The following OGFOD3 variants were observed in gnomAD, a reference collection of about 807,000 sequenced individuals.
OGFOD3 encodes 2-oxoglutarate and iron-dependent oxygenase domain-containing protein 3.
A neutral mutation model predicts 39.8 loss-of-function variants in OGFOD3; 35 were observed. The observed-to-expected ratio is 0.88, with a 90% confidence interval of 0.67 to 1.17. OGFOD3 has a LOEUF of 1.17. OGFOD3 is among the 50% of genes most tolerant of loss of function. OGFOD3 has a pLI of 0.00. For missense variants in OGFOD3, 438 were observed against 454.5 expected, an observed-to-expected ratio of 0.96 and a Z score of 0.33; for synonymous variants, 200 against 192.0, an observed-to-expected ratio of 1.04 and a Z score of -0.34.
intron 6 of OGFOD3, 114 bp downstream of exon 6, chr17:82,405,210 G>A: frequency 3.5e-6 from 3 of 868,306 alleles, no homozygotes; most frequent in Non-Finnish European, 5.6e-6. Flanking sequence ...CTGCAGGCCT[G>A]GCCCTGGCCC....
chr17:82,406,408 C>T lies in OGFOD3; in HGVS notation c.488+10G>A, dbSNP rs749000321. The T allele has an allele frequency of 2.5e-6, 4 of 1,613,538 alleles. No individual in the cohort carries two copies. On this transcript the variant is annotated intron_variant, in intron 5 of 8. Transcript: ENST00000313056. This position sits in a 1 kb window ranked among gnomAD's most constrained non-coding sequence, Gnocchi z 5.2. ...CAGAGCCAGCACTGAGGTCATGCTG[C>T]AGCACTCACCTGTACAGGTTCACAA...
intron 2 of OGFOD3, among the ~76,000 whole-genome samples, chr17:82,412,435 GTTA>G: frequency 8.0e-6 from 1 of 125,718 alleles, no homozygotes; most frequent in Non-Finnish European, 1.7e-5. Flanking sequence ...CAGGGGCATG[GTTA>G]TCGGGGCAGG....
rs147267597 is a variant in OGFOD3 at position 82,416,531 on chromosome 17, C to A, written c.75-904G>T. Among the ~76,000 whole-genome samples the A allele has an allele frequency of 2.2e-4, 33 of 152,244 alleles. No homozygotes were observed. The East Asian group carries it at 5.8e-3, about 27-fold the overall frequency. On this transcript the variant is annotated intron_variant, in intron 1 of 8. Coordinates refer to ENST00000313056, the MANE Select transcript of OGFOD3 (RefSeq NM_024648.3). Reference sequence around the variant, plus strand: ...CTCCCCTCCTGTAAAATAAGCTTCTCGTCTGTTCCAAGGAGCAGGTATTGG... The same window carrying A: ...CTCCCCTCCTGTAAAATAAGCTTCTAGTCTGTTCCAAGGAGCAGGTATTGG...
At chr17:82,408,857 A>G (rs1017136068) in intron 4 of OGFOD3, among the ~76,000 whole-genome samples, 10 of 152,272 alleles carry the variant, frequency 6.6e-5, no homozygotes, top group African/African-American at 1.9e-4. Context: ...AGGTGAACAC[A>G]TTATCCGAGG....
Position 82,390,646 on chromosome 17 carries a change from G to A in OGFOD3, c.*1752C>T, listed in dbSNP as rs568063360. The A allele has an allele frequency of 1.2e-4, 21 of 177,282 alleles. No homozygotes were observed. Among genetic ancestry groups the A allele is most frequent in the Admixed American group, 3.8e-4 (6 of 15,782 alleles). The allele number at this position is 177,282 out of a possible 1,614,324, so 11.0% of individuals were successfully genotyped here. ...TGTGGACCCAGGGAGCCTATCCCACGCCGTCCTCCGCATGTGGCCCGTGGT... is the reference window on the plus strand; with the variant it reads ...TGTGGACCCAGGGAGCCTATCCCACACCGTCCTCCGCATGTGGCCCGTGGT... On this transcript the variant is annotated 3_prime_UTR_variant, in exon 9 of 9. Coordinates refer to ENST00000313056, the MANE Select transcript of OGFOD3 (RefSeq NM_024648.3). The surrounding 1 kb of genome is among the most constrained non-coding windows in gnomAD (Gnocchi z 4.9).
At chr17:82,409,086 C>A (rs1456317162) in intron 4 of OGFOD3, among the ~76,000 whole-genome samples, 1 of 152,254 alleles carries the variant, frequency 6.6e-6, no homozygotes, top group South Asian at 2.1e-4. Context: ...CTGCTTCCGA[C>A]CCCCTCTATC....
intron 8 of OGFOD3, chr17:82,396,601 A>G (rs527647819): frequency 6.6e-6 from 1 of 152,364 alleles, no homozygotes; most frequent in South Asian, 2.1e-4. Flanking sequence ...AAAATGTTTG[A>G]CTCAAGTATT....
intron 8 of OGFOD3, chr17:82,394,625 G>A: frequency 8.5e-7 from 1 of 1,170,800 alleles, no homozygotes; most frequent in East Asian, 2.5e-5. Flanking sequence ...CCTCCAGAGA[G>A]AGGCCTGGCC....
chr17:82,392,388 C>G lies in OGFOD3; in HGVS notation c.*10G>C. ...GGGCCCTCCTGAAGTTACCTTGGCC[C>G]GGCTGCTGGCTACGGGAACGCTGGG... On this transcript the variant is annotated 3_prime_UTR_variant, in exon 9 of 9. Transcript: ENST00000313056. This position sits in a 1 kb window ranked among gnomAD's most constrained non-coding sequence, Gnocchi z 4.2. The G allele has an allele frequency of 6.2e-7, 1 of 1,608,072 alleles. No homozygotes were observed. The highest frequency in any genetic ancestry group is 8.5e-7 in the Non-Finnish European group (1 of 1,178,314).
At chr17:82,409,221 G>T (rs762377606) in intron 4 of OGFOD3, 147 bp downstream of exon 4, 5 of 735,132 alleles carry the variant, frequency 6.8e-6, no homozygotes, top group Admixed American at 4.7e-5. Context: ...CAGCTGCTGC[G>T]GCTGGTGCTG....
intron 8 of OGFOD3, among the ~76,000 whole-genome samples, chr17:82,394,156 A>AT (rs1451413218): frequency 3.3e-5 from 5 of 151,628 alleles, no homozygotes; most frequent in Admixed American, 6.6e-5. Context: ...CGCCCAGCTA[A>AT]TTTTTTTGTA....
At chr17:82,402,509 G>C (rs2052783145) in intron 7 of OGFOD3, among the ~76,000 whole-genome samples, 1 of 152,052 alleles carries the variant, frequency 6.6e-6, no homozygotes, top group Non-Finnish European at 1.5e-5. Flanking sequence ...CACTTTGGGA[G>C]GCCAAGGTGG....
At chr17:82,395,759 T>C (rs1303248848) in intron 8 of OGFOD3, among the ~76,000 whole-genome samples, 1 of 152,080 alleles carries the variant, frequency 6.6e-6, no homozygotes, top group Admixed American at 6.5e-5. Context: ...AGGCGGAGCT[T>C]GCAGTGAGCC....
At chr17:82,394,285 C>A in intron 8 of OGFOD3, 1 of 1,469,756 alleles carries the variant, frequency 6.8e-7, no homozygotes, top group East Asian at 2.3e-5. Context: ...CCACCACGCC[C>A]GGCCTAAGAT....
Position 82,404,009 on chromosome 17 carries a change from G to A in OGFOD3, c.627C>T (p.Thr209=). The change falls in exon 7 of 9, where the codon ACC becomes ACT. Residue 209 remains threonine (T), a synonymous_variant. Transcript: ENST00000313056. The surrounding 1 kb of genome is among the most constrained non-coding windows in gnomAD (Gnocchi z 4.5). ...CCGTGCTGTTTATGCGGGAGAAGAA[G>A]GTGGGCTTGGTCAGATGCAGCGAGG... ...SASSLHLTKP[T]FFSRINSTEA... 1 of 1,611,316 alleles carries A rather than the reference G, an allele frequency of 6.2e-7. No individual in the cohort carries two copies. Among genetic ancestry groups the A allele is most frequent in the Non-Finnish European group, 8.5e-7 (1 of 1,178,922 alleles).
Position 82,406,956 on chromosome 17 carries a change from A to C in OGFOD3, c.424-474T>G, listed in dbSNP as rs923178731. Among the ~76,000 whole-genome samples the C allele has an allele frequency of 6.6e-6, 1 of 152,084 alleles. No individual in the cohort carries two copies. Among genetic ancestry groups the C allele is most frequent in the African/African-American group, 2.4e-5 (1 of 41,416 alleles). ...AGACCGGCCAGACGTGGTGGCTCAC[A>C]CCTGCAATCCCAGCACTTTGGGAGG... On this transcript the variant is annotated intron_variant, in intron 4 of 8. Transcript: ENST00000313056. The surrounding 1 kb of genome is among the most constrained non-coding windows in gnomAD (Gnocchi z 5.2).
rs373246309 is a variant in OGFOD3 at position 82,398,334 on chromosome 17, G to A, written c.700-15C>T. The stretch of plus-strand genomic sequence containing the variant: ...CCGTAGGTCACCTGAGGGCAGAGCC[G>A]GGAGGAGGGGGCAGAATGGGCTCTC... On this transcript the variant is annotated splice_polypyrimidine_tract_variant and intron_variant, in intron 7 of 8. Transcript: ENST00000313056. 3.6e-5 allele frequency: 58 copies of A among 1,613,804 alleles called. No individual in the cohort carries two copies. Among genetic ancestry groups the A allele is most frequent in the Admixed American group, 5.0e-5 (3 of 59,972 alleles).
intron 1 of OGFOD3, among the ~76,000 whole-genome samples, chr17:82,417,618 C>CA (rs11413297): frequency 0.82 from 104,292 of 127,616 alleles, 42,850 homozygotes; most frequent in East Asian, 0.96. Flanking sequence ...GCCTCTGTCT[C>CA]AAAAAAAAAA....
At chr17:82,395,464 A>G (rs2143187357) in intron 8 of OGFOD3, among the ~76,000 whole-genome samples, 1 of 152,346 alleles carries the variant, frequency 6.6e-6, no homozygotes, top group Admixed American at 6.5e-5. Context: ...CCCCGAACAC[A>G]GGACTCTGCC....
Sources: gnomAD v4.1 joint callset for allele counts (sites outside exome capture counted in the v4.1 genomes callset) on GRCh38, gnomAD v4.1.1 for gene constraint, Gnocchi (gnomAD v3.1) non-coding constraint, MANE v1.5 for transcripts, NCBI Gene and HGNC (gene_info 2026-07-23, HGNC 2026-07-21) for gene names.